GRIN2B: variants seen among roughly 807,000 people sequenced by gnomAD.
GRIN2B encodes the protein glutamate ionotropic receptor NMDA type subunit 2B.
In GRIN2B, 5 loss-of-function variants were observed where a neutral mutation model predicts 114.5. The observed-to-expected ratio is 0.04, with a 90% CI of 0.02 to 0.09. The LOEUF (loss-of-function observed/expected upper bound fraction) is 0.09, where lower values mean the gene tolerates loss of function less well. Ranked by LOEUF, GRIN2B falls within the 10% of genes least tolerant of loss-of-function variation. GRIN2B has a pLI of 1.00. For synonymous variants in GRIN2B, 787 were observed against 745.1 expected, an observed-to-expected ratio of 1.06 and a Z score of -0.92; for missense variants, 1,108 against 1,943.5, an observed-to-expected ratio of 0.57 and a Z score of 8.08.
At chr12:13,681,989 T>C (rs1279344760) in intron 4 of GRIN2B, among the ~76,000 whole-genome samples, 2 of 152,148 alleles carry the variant, frequency 1.3e-5, no homozygotes, top group African/African-American at 2.4e-5. Flanking sequence ...CCCAAAGGAT[T>C]AGAAATAGTG....
At chr12:13,974,584 C>T (rs975053750) in intron 2 of GRIN2B, among the ~76,000 whole-genome samples, 4 of 152,112 alleles carry the variant, frequency 2.6e-5, no homozygotes, top group African/African-American at 9.7e-5. Flanking sequence ...TTTCTGTATC[C>T]TATAAATCTC....
chr12:13,654,405 G>A (rs764983016), intron 5 of GRIN2B, among the ~76,000 whole-genome samples: 1 of 152,166 alleles, frequency 6.6e-6, no homozygotes, highest in Non-Finnish European at 1.5e-5. Context: ...AACTAATTCT[G>A]TTTGCTTGTT....
At position 13,563,004 on chromosome 12, in the gene GRIN2B, C is replaced by G. The variant is rs750030857; in HGVS notation, c.4234G>C (p.Ala1412Pro). ...KSYFFRQPTV[A>P]GASKARPDFR... ...TCCGGCCTGGCTTTCGACGCCCCCG[C>G]CACCGTGGGCTGCCTGAAGAAGTAG... Residue 1412 changes from alanine to proline, a missense_variant, in exon 14 of 14, where the codon GCG (alanine) becomes CCG (proline). Around this residue, in one of 19 missense-constraint regions of GRIN2B, gnomAD observed 478 missense variants for 506.0 expected, o/e 0.94. Coordinates refer to ENST00000609686, the MANE Select transcript of GRIN2B (RefSeq NM_000834.5). 1 of 1,613,454 alleles carries G rather than the reference C, an allele frequency of 6.2e-7. No homozygotes were observed. Among genetic ancestry groups the G allele is most frequent in the Admixed American group, 1.7e-5 (1 of 60,014 alleles).
chr12:13,945,208 A>G (rs1867340831), intron 2 of GRIN2B, among the ~76,000 whole-genome samples: 1 of 152,226 alleles, frequency 6.6e-6, no homozygotes, highest in Non-Finnish European at 1.5e-5. Context: ...CCCACAAAGC[A>G]AAATGCAACT....
In GRIN2B at chr12:13,855,049, G is replaced by GGAAAAAAAAAA. The variant is rs57722937; in HGVS notation, c.411+10748_411+10749insTTTTTTTTTTC. ...AACATGGTGAAACCCCATCTCTACT[G>GGAAAAAAAAAA]AAAAAAAAAAAAAAAAAAAATTGCC... On this transcript the variant is annotated intron_variant, in intron 3 of 13. Transcript: ENST00000609686. 6.9e-3 allele frequency among the ~76,000 whole-genome samples: 604 copies of GGAAAAAAAAAA among 87,958 alleles called. 18 individuals carry two copies. The highest frequency in any genetic ancestry group is 0.028 in the African/African-American group (588 of 20,648). 57.7% of individuals were successfully genotyped at this position (87,958 alleles called of 152,430 possible).
rs868689428 is a variant in GRIN2B at position 13,753,898 on chromosome 12, G to A, written c.429C>T (p.Phe143=). 6.2e-7 allele frequency: 1 copy of A among 1,606,970 alleles called. No homozygotes were observed. The highest frequency in any genetic ancestry group is 8.5e-7 in the Non-Finnish European group (1 of 1,173,576). The change falls in exon 4 of 14, where the codon TTC becomes TTT. Residue 143 remains phenylalanine, a synonymous_variant. Coordinates refer to ENST00000609686, the MANE Select transcript of GRIN2B (RefSeq NM_000834.5). The surrounding 1 kb of genome is among the most constrained non-coding windows in gnomAD (Gnocchi z 6.2). ...IMADKDESSM[F]FQFGPSIEQQ... is the part of the protein sequence containing the mutation. Reference sequence around the variant, plus strand: ...GTTCAATTGATGGGCCAAACTGGAAGAACATGGAGGATTCATCCTAGAAAA... The same window carrying A: ...GTTCAATTGATGGGCCAAACTGGAAAAACATGGAGGATTCATCCTAGAAAA...
At chr12:13,869,136 C>T (rs1865868144) in intron 2 of GRIN2B, among the ~76,000 whole-genome samples, 1 of 152,104 alleles carries the variant, frequency 6.6e-6, no homozygotes, top group African/African-American at 2.4e-5. Context: ...GATGTGTCCA[C>T]CTACTTTAAC....
At position 13,542,808 on chromosome 12, in the gene GRIN2B, G is replaced by C. The variant is rs1948295553; in HGVS notation, c.*19975C>G. On this transcript the variant is annotated 3_prime_UTR_variant, in exon 14 of 14. Transcript: ENST00000609686. The stretch of plus-strand genomic sequence containing the variant: ...CAACCCTGGCAATTCCTTTCCTCTT[G>C]CTCTTACAGAAACCTGGCTCCTCTT... 1 of 152,164 alleles carries C rather than the reference G, an allele frequency of 6.6e-6. No homozygotes were observed. The highest frequency in any genetic ancestry group is 1.5e-5 in the Non-Finnish European group (1 of 68,060). The allele number at this position is 152,164 out of a possible 1,614,324, so 9.4% of individuals were successfully genotyped here. A position where few individuals can be genotyped will look rare whatever the true frequency, so the allele number is the denominator to read the frequency against.
chr12:13,830,264 T>A (rs1412165386), intron 3 of GRIN2B, among the ~76,000 whole-genome samples: 1 of 152,234 alleles, frequency 6.6e-6, no homozygotes, highest in Admixed American at 6.5e-5. Flanking sequence ...AATTGTATTA[T>A]AACCTGTTAG....
At chr12:13,857,933 T>C (rs1865691858) in intron 3 of GRIN2B, among the ~76,000 whole-genome samples, 1 of 152,078 alleles carries the variant, frequency 6.6e-6, no homozygotes, top group Non-Finnish European at 1.5e-5. Context: ...CTTCCAACCA[T>C]GACAAAATGC....
In GRIN2B at chr12:13,970,007, C is replaced by T. The variant is rs145255100; in HGVS notation, c.-19+9921G>A. Among the ~76,000 whole-genome samples, 141 of 152,266 alleles carry T rather than the reference C, an allele frequency of 9.3e-4. 2 individuals are homozygous for T. The highest frequency in any genetic ancestry group is 3.2e-3 in the African/African-American group (132 of 41,538). ...AGCTGGGATTATAGGCAACTGCCAC[C>T]GTGCCCAGCTAATTTTTGTATTTTT... is the stretch of plus-strand genomic sequence containing the variant. On this transcript the variant is annotated intron_variant, in intron 2 of 13. Transcript: ENST00000609686.
intron 3 of GRIN2B, among the ~76,000 whole-genome samples, chr12:13,813,433 G>A (rs143681213): frequency 3.3e-5 from 5 of 152,252 alleles, no homozygotes; most frequent in African/African-American, 7.2e-5. Context: ...CTTCTGGGAC[G>A]CTGGGTACCA....
At chr12:13,759,133 G>A (rs1404034359) in intron 3 of GRIN2B, among the ~76,000 whole-genome samples, 9 of 148,026 alleles carry the variant, frequency 6.1e-5, no homozygotes, top group East Asian at 2.1e-4. Flanking sequence ...TCAGCCTCCC[G>A]AGTAGCTGGG....
chr12:13,789,075 GT>G (rs11400953), intron 3 of GRIN2B, among the ~76,000 whole-genome samples: 1 of 151,698 alleles, frequency 6.6e-6, no homozygotes, highest in African/African-American at 2.4e-5. Context: ...CCTGGTTGTT[GT>G]TTTTTTTCCT....
At chr12:13,779,233 G>A (rs754757963) in intron 3 of GRIN2B, among the ~76,000 whole-genome samples, 31 of 152,122 alleles carry the variant, frequency 2.0e-4, no homozygotes, top group Non-Finnish European at 3.5e-4. Flanking sequence ...TAGTAGAGAC[G>A]GAGTTTCACC....
intron 4 of GRIN2B, among the ~76,000 whole-genome samples, chr12:13,724,405 AT>A (rs1274888584): frequency 1.3e-5 from 2 of 152,160 alleles, no homozygotes; most frequent in African/African-American, 4.8e-5. Context: ...GGGATAGAGA[AT>A]TTATTGGCAC....
At chr12:13,867,776 C>T (rs1289817439) in intron 2 of GRIN2B, among the ~76,000 whole-genome samples, 1 of 151,898 alleles carries the variant, frequency 6.6e-6, no homozygotes, top group Admixed American at 6.6e-5. Flanking sequence ...CATTTTAATA[C>T]TCCAAGGCAA....
intron 3 of GRIN2B, among the ~76,000 whole-genome samples, chr12:13,856,541 C>T (rs981011009): frequency 2.6e-5 from 4 of 152,016 alleles, no homozygotes; most frequent in Non-Finnish European, 1.5e-5. Flanking sequence ...CCGTTACTGT[C>T]GGAGGGGAAG....
chr12:13,868,353 C>T (rs187585685), intron 2 of GRIN2B, among the ~76,000 whole-genome samples: 5 of 151,992 alleles, frequency 3.3e-5, no homozygotes, highest in African/African-American at 1.2e-4. Flanking sequence ...AATTCCTCCT[C>T]CCAGAACTTA....
Sources: allele counts gnomAD v4.1 joint callset (sites outside exome capture counted in the v4.1 genomes callset), GRCh38; gene constraint gnomAD v4.1.1; regional missense constraint gnomAD v4.1.1; non-coding constraint Gnocchi (gnomAD v3.1); transcripts MANE v1.5; gene names NCBI Gene and HGNC (gene_info 2026-07-23, HGNC 2026-07-21).